The following RGS3 variants were observed in gnomAD, a reference collection of about 807,000 sequenced individuals.
RGS3 encodes regulator of G protein signaling 3, also known as regulator of G-protein signalling 3.
In RGS3, 80 loss-of-function variants were observed where a neutral mutation model predicts 132.6. That is an observed-to-expected ratio of 0.60 (90% CI 0.50 to 0.73). The LOEUF (loss-of-function observed/expected upper bound fraction) is 0.73. Among genes scored for constraint, RGS3 ranks in the 30% least tolerant of loss-of-function variants. The pLI is 0.00. For missense variants in RGS3, 1,382 were observed against 1,530.8 expected (o/e 0.90, Z 1.62); for synonymous variants, 598 against 620.6 (o/e 0.96, Z 0.54).
At chr9:113,562,227 G>C (rs1564572275) in intron 19 of RGS3, among the ~76,000 whole-genome samples, 1 of 152,214 alleles carries the variant, frequency 6.6e-6, no homozygotes, top group African/African-American at 2.4e-5. Context: ...CGTAATCCCA[G>C]CACTTTGGGA....
chr9:113,574,475 G>T (rs1834423655), intron 19 of RGS3, among the ~76,000 whole-genome samples: 1 of 152,242 alleles, frequency 6.6e-6, no homozygotes, highest in Non-Finnish European at 1.5e-5. Flanking sequence ...TTGCTGTTTG[G>T]CAGCAATAGC....
chr9:113,465,534 G>A (rs1482864518), intron 3 of RGS3, among the ~76,000 whole-genome samples: 1 of 151,292 alleles, frequency 6.6e-6, no homozygotes, highest in Non-Finnish European at 1.5e-5. Flanking sequence ...AAGTTTGTAT[G>A]GACAATTTTG....
In RGS3 at chr9:113,507,140, C is replaced by G; in HGVS notation, c.1086-147C>G. 1.6e-6 allele frequency: 1 copy of G among 643,742 alleles called. No homozygotes were observed. The highest frequency in any genetic ancestry group is 2.7e-6 in the Non-Finnish European group (1 of 375,262). 39.9% of individuals were successfully genotyped at this position (643,742 alleles called of 1,614,324 possible). A position where few individuals can be genotyped will look rare whatever the true frequency, so the allele number is the denominator to read the frequency against. Reference sequence around the variant, plus strand: ...TGTCTCTTCTTTAAATGGCTTCTTGCATCCCTTCCTGCCCTGACACTGGGG... The same window carrying G: ...TGTCTCTTCTTTAAATGGCTTCTTGGATCCCTTCCTGCCCTGACACTGGGG... On this transcript the variant is annotated intron_variant, in intron 12 of 24. Coordinates refer to ENST00000350696, the Ensembl canonical transcript of RGS3. The surrounding 1 kb of genome is among the most constrained non-coding windows in gnomAD (Gnocchi z 5.0).
intron 19 of RGS3, chr9:113,541,553 T>G: frequency 2.0e-6 from 3 of 1,474,584 alleles, no homozygotes; most frequent in Non-Finnish European, 2.7e-6. Flanking sequence ...TAGGGTCATC[T>G]GAAGGGAGTG....
At chr9:113,448,274 A>G (rs1173374274) in intron 1 of RGS3, among the ~76,000 whole-genome samples, 1 of 151,512 alleles carries the variant, frequency 6.6e-6, no homozygotes, top group South Asian at 2.1e-4. Flanking sequence ...AACCTCTTTC[A>G]CTTGGTTTAC....
rs535052712 is a variant in RGS3 at position 113,495,090 on chromosome 9, T to C, written c.690-696T>C. Among the ~76,000 whole-genome samples, 4 of 152,136 alleles carry C rather than the reference T, an allele frequency of 2.6e-5. 1 individual carries two copies. The highest frequency in any genetic ancestry group is 9.6e-5 in the African/African-American group (4 of 41,516). On this transcript the variant is annotated intron_variant, in intron 7 of 24. Coordinates refer to ENST00000350696, the Ensembl canonical transcript of RGS3. ...GGGTTTCACCATGTTGGCCAGGCTG[T>C]TCTCAAACTCCTGACCTCAAGTGAT...
intron 14 of RGS3, among the ~76,000 whole-genome samples, chr9:113,514,206 C>T (rs1346525831): frequency 6.6e-6 from 1 of 152,126 alleles, no homozygotes; most frequent in Non-Finnish European, 1.5e-5. Context: ...CTGGTGGTGC[C>T]CAGCGCTGTG....
chr9:113,583,575 C>A (rs1286851410), exon 20 of RGS3: 20 of 1,614,190 alleles, frequency 1.2e-5, no homozygotes, highest in Non-Finnish European at 1.7e-5. Flanking sequence ...CAGGACAAGA[C>A]CTTCCACCCA....
rs1479444831 is a variant in RGS3, at chr9:113,540,435, G to T, written c.2037+3517G>T. 2.6e-5 allele frequency among the ~76,000 whole-genome samples: 4 copies of T among 152,214 alleles called. No individual in the cohort carries two copies. The South Asian group carries it at 6.2e-4, about 24-fold the overall frequency. Reference sequence around the variant, plus strand: ...TCGCTATGGAATTCTCCTAATAGGAGAGAGATGAGGAGGGCACTGGAGTGG... The same window carrying T: ...TCGCTATGGAATTCTCCTAATAGGATAGAGATGAGGAGGGCACTGGAGTGG... On this transcript the variant is annotated intron_variant, in intron 19 of 24. Coordinates refer to ENST00000350696, the Ensembl canonical transcript of RGS3.
At chr9:113,511,188 C>T (rs760701089) in intron 14 of RGS3, among the ~76,000 whole-genome samples, 14 of 152,320 alleles carry the variant, frequency 9.2e-5, no homozygotes, top group East Asian at 1.9e-4. Flanking sequence ...GGTGACCTGG[C>T]CTCAGATTCG....
At chr9:113,580,754 T>G in intron 19 of RGS3, 1 of 976,838 alleles carries the variant, frequency 1.0e-6, no homozygotes, top group Non-Finnish European at 1.2e-6. Context: ...TTGGCCTCGA[T>G]TTAGAACAGG....
intron 3 of RGS3, among the ~76,000 whole-genome samples, chr9:113,475,376 T>C (rs1475582433): frequency 6.6e-6 from 1 of 151,528 alleles, no homozygotes; most frequent in Non-Finnish European, 1.5e-5. Flanking sequence ...AAAACAGAGG[T>C]GTAGGAGCAA....
At chr9:113,509,579 T>C (rs1314870794) in intron 14 of RGS3, among the ~76,000 whole-genome samples, 1 of 152,222 alleles carries the variant, frequency 6.6e-6, no homozygotes. Context: ...GTCTTGAGGC[T>C]GAAGCTGGCT....
At chr9:113,527,240 A>G (rs1038721115) in intron 17 of RGS3, among the ~76,000 whole-genome samples, 4 of 152,140 alleles carry the variant, frequency 2.6e-5, no homozygotes, top group East Asian at 1.9e-4. Context: ...TCAGCCTCCT[A>G]TTTCCCTGCA....
intron 4 of RGS3, among the ~76,000 whole-genome samples, chr9:113,480,367 G>A (rs929596896): frequency 2.0e-5 from 3 of 148,854 alleles, no homozygotes; most frequent in African/African-American, 7.4e-5. Flanking sequence ...GCTGGGGTAG[G>A]AGAATTGCTA....
Position 113,508,592 on chromosome 9 carries a change from G to C in RGS3, c.1477+12G>C. ...TACCATCCCCGAAGGTGAGTCTCCT[G>C]CTGCTGCTGTGCCCTCCTAGCTCAG... On this transcript the variant is annotated intron_variant, in intron 14 of 24. Coordinates refer to ENST00000350696, the Ensembl canonical transcript of RGS3. The C allele has an allele frequency of 3.7e-6, 6 of 1,609,350 alleles. No individual in the cohort carries two copies. The highest frequency in any genetic ancestry group is 4.2e-6 in the Non-Finnish European group (5 of 1,178,586).
intron 19 of RGS3, among the ~76,000 whole-genome samples, chr9:113,580,384 G>A (rs1181798014): frequency 6.6e-6 from 1 of 152,316 alleles, no homozygotes; most frequent in East Asian, 1.9e-4. Flanking sequence ...GGGACCCCAG[G>A]TTTCTTATCT....
At chr9:113,487,165 G>T (rs1485362588) in intron 7 of RGS3, among the ~76,000 whole-genome samples, 1 of 140,956 alleles carries the variant, frequency 7.1e-6, no homozygotes, top group Non-Finnish European at 1.5e-5. Flanking sequence ...ACTGCGGACT[G>T]CAGTGGCGCA....
At chr9:113,475,847 A>G (rs759495339) in intron 3 of RGS3, among the ~76,000 whole-genome samples, 2 of 152,152 alleles carry the variant, frequency 1.3e-5, no homozygotes, top group African/African-American at 2.4e-5. Flanking sequence ...GACTCCAGGG[A>G]TTCAGCCCTA....
Sources: allele counts gnomAD v4.1 joint callset (sites outside exome capture counted in the v4.1 genomes callset), GRCh38; gene constraint gnomAD v4.1.1; non-coding constraint Gnocchi (gnomAD v3.1); transcripts MANE v1.5; gene names NCBI Gene and HGNC (gene_info 2026-07-23, HGNC 2026-07-21).